Variants in DNAJC2 observed in about 807,000 individuals in gnomAD.
DNAJC2 encodes the protein dnaJ homolog subfamily C member 2.
A neutral mutation model predicts 94.0 loss-of-function variants in DNAJC2; 32 were observed. The observed-to-expected ratio is 0.34, with a 90% CI of 0.26 to 0.46. The LOEUF (loss-of-function observed/expected upper bound fraction) is 0.46, where lower values mean the gene tolerates loss of function less well. Among genes scored for constraint, DNAJC2 ranks in the 20% least tolerant of loss-of-function variants. The pLI is 1.00. For missense variants in DNAJC2, 550 were observed against 719.5 expected (o/e 0.76, Z 2.69); for synonymous variants, 210 against 229.7 (o/e 0.91, Z 0.77).
At chr7:103,326,958 G>T (rs2115941210) in intron 4 of DNAJC2, among the ~76,000 whole-genome samples, 1 of 152,108 alleles carries the variant, frequency 6.6e-6, no homozygotes, top group East Asian at 1.9e-4. Flanking sequence ...TGGGGAAAAA[G>T]AAATAGCTAG....
intron 15 of DNAJC2, chr7:103,314,783 C>A: frequency 2.9e-6 from 1 of 343,170 alleles, no homozygotes; most frequent in Non-Finnish European, 4.1e-6. Context: ...GGATAATAAG[C>A]AAGATTAAAG....
At chr7:103,342,626 T>G (rs952821299) in intron 1 of DNAJC2, among the ~76,000 whole-genome samples, 7 of 148,950 alleles carry the variant, frequency 4.7e-5, no homozygotes, top group East Asian at 2.0e-4. Flanking sequence ...TTTTTTTTTT[T>G]GGGACGGAGT....
intron 3 of DNAJC2, among the ~76,000 whole-genome samples, chr7:103,333,814 G>A (rs558882486): frequency 2.6e-5 from 4 of 152,218 alleles, no homozygotes; most frequent in African/African-American, 9.6e-5. Flanking sequence ...CTGTGTATTG[G>A]CAATTTGTTC....
chr7:103,326,561 A>C lies in DNAJC2; in HGVS notation c.554T>G (p.Val185Gly). 6.2e-7 allele frequency: 1 copy of C among 1,613,750 alleles called. No individual in the cohort carries two copies. Among genetic ancestry groups the C allele is most frequent in the African/African-American group, 1.3e-5 (1 of 75,028 alleles). ...KDNFFEVFTP[V>G]FERNSRWSNK... The stretch of plus-strand genomic sequence containing the variant: ...AACTTACCTGGAATTCCTTTCAAAC[A>C]CTGGGGTAAACACTTCGAAGAAATT... Residue 185 changes from valine to glycine, a missense_variant, in exon 5 of 17, where the codon GTG becomes GGG. Transcript: ENST00000379263.
At chr7:103,320,172 T>C (rs1311464353) in intron 10 of DNAJC2, among the ~76,000 whole-genome samples, 1 of 152,104 alleles carries the variant, frequency 6.6e-6, no homozygotes, top group African/African-American at 2.4e-5. Context: ...CACTGCAACC[T>C]CCACCTCCCG....
rs946973652 is a variant in DNAJC2, at chr7:103,341,833, T to C, written c.186A>G (p.Glu62=). 6.8e-6 allele frequency: 11 copies of C among 1,611,948 alleles called. No individual in the cohort carries two copies. In the African/African-American group the frequency reaches 1.3e-4, roughly 20 times the overall value. The change falls in exon 2 of 17, where the codon GAA becomes GAG. Residue 62 remains glutamate, a synonymous_variant. Coordinates refer to ENST00000379263, the MANE Select transcript of DNAJC2 (RefSeq NM_014377.3). The part of the protein sequence containing the change: ...ELEDKKELSE[E]SEDEELQLEE... ...CCAACTGCAATTCTTCATCTTCTGATTCCTCGGATAACTCTTTCTTATCCT... is the reference window on the plus strand; with the variant it reads ...CCAACTGCAATTCTTCATCTTCTGACTCCTCGGATAACTCTTTCTTATCCT...
intron 1 of DNAJC2, chr7:103,344,321 G>A (rs1819512219): frequency 1.7e-6 from 1 of 582,316 alleles, no homozygotes; most frequent in African/African-American, 1.9e-5. Context: ...TGAGTCAGCA[G>A]CGGCGAGAGG....
chr7:103,341,829 C>G lies in DNAJC2; in HGVS notation c.190G>C (p.Glu64Gln). The part of the protein sequence containing the change: ...EDKKELSEES[E>Q]DEELQLEEFP... ...TCTTCCAACTGCAATTCTTCATCTT[C>G]TGATTCCTCGGATAACTCTTTCTTA... is the stretch of plus-strand genomic sequence containing the variant. Residue 64 changes from glutamate (E) to glutamine (Q), a missense_variant, in exon 2 of 17, where the codon GAA (glutamate) becomes CAA (glutamine). By Grantham distance (29) the Glu-to-Gln change is conservative (BLOSUM62 2). Around this residue, in one of 2 missense-constraint regions of DNAJC2, gnomAD observed 279 missense variants for 416.9 expected, o/e 0.67. Coordinates refer to ENST00000379263, the MANE Select transcript of DNAJC2 (RefSeq NM_014377.3). The G allele has an allele frequency of 1.2e-6, 2 of 1,611,940 alleles. No individual in the cohort carries two copies. The highest frequency in any genetic ancestry group is 1.7e-6 in the Non-Finnish European group (2 of 1,179,350).
At chr7:103,342,011 C>A in intron 1 of DNAJC2, 57 bp from the exon 2 acceptor site, 1 of 1,315,428 alleles carries the variant, frequency 7.6e-7, no homozygotes, top group Non-Finnish European at 1.0e-6. Context: ...AAATATGTTT[C>A]AAGGCAATTA....
rs544439529 is a variant in DNAJC2, at chr7:103,344,637, T to G, written c.-15A>C. 9 of 1,606,942 alleles carry G rather than the reference T, an allele frequency of 5.6e-6. No individual in the cohort carries two copies. In the South Asian group the frequency reaches 9.9e-5, roughly 18 times the overall value. On this transcript the variant is annotated 5_prime_UTR_variant, in exon 1 of 17. Coordinates refer to ENST00000379263, the MANE Select transcript of DNAJC2 (RefSeq NM_014377.3). ...AGAAGCAGCATGATGGCGCCGGGTC[T>G]AGCCCGGTGGGCGCAGCGGCTCACG...
chr7:103,342,313 T>C (rs1819402577), intron 1 of DNAJC2, among the ~76,000 whole-genome samples: 1 of 151,890 alleles, frequency 6.6e-6, no homozygotes, highest in African/African-American at 2.4e-5. Flanking sequence ...TTTTACTTTT[T>C]TTTTTTTTTG....
intron 11 of DNAJC2, 23 bp downstream of exon 11, chr7:103,319,733 C>T (rs2115836767): frequency 6.2e-7 from 1 of 1,614,088 alleles, no homozygotes; most frequent in Non-Finnish European, 8.5e-7. Flanking sequence ...GTGAAGACTT[C>T]AATAGCAGTT....
chr7:103,326,459 A>G (rs2115934984), intron 5 of DNAJC2, 84 bp downstream of exon 5: 4 of 1,330,944 alleles, frequency 3.0e-6, no homozygotes, highest in East Asian at 2.3e-5. Flanking sequence ...TGAAACTATT[A>G]TCAGAGGGAA....
rs760375891 is a variant in DNAJC2 at position 103,315,823 on chromosome 7, T to C, written c.1577A>G (p.Lys526Arg). 47 of 1,613,828 alleles carry C rather than the reference T, an allele frequency of 2.9e-5. No homozygotes were observed. The highest frequency in any genetic ancestry group is 3.7e-5 in the Non-Finnish European group (44 of 1,179,896). Residue 526 changes from lysine to arginine, a missense_variant, in exon 15 of 17, where the codon AAA (lysine) becomes AGA (arginine). Lys to Arg is a conservative substitution (Grantham distance 26). Around this residue, in one of 2 missense-constraint regions of DNAJC2, gnomAD observed 271 missense variants for 302.6 expected, o/e 0.90. Coordinates refer to ENST00000379263, the MANE Select transcript of DNAJC2 (RefSeq NM_014377.3). ...DINKKAFDKF[K>R]KEHGVVPQAD... Reference sequence around the variant, plus strand: ...TTGAGGTACCACTCCATGTTCTTTTTTGAACTTATCAAATGCCTTTTTATT... The same window carrying C: ...TTGAGGTACCACTCCATGTTCTTTTCTGAACTTATCAAATGCCTTTTTATT...
intron 4 of DNAJC2, 91 bp from the exon 5 acceptor site, chr7:103,326,775 G>A: frequency 7.7e-7 from 1 of 1,297,054 alleles, no homozygotes; most frequent in African/African-American, 1.5e-5. Context: ...AAACATAGAA[G>A]TCATTAATTT....
At chr7:103,330,766 G>C (rs1321314130) in intron 3 of DNAJC2, among the ~76,000 whole-genome samples, 2 of 150,612 alleles carry the variant, frequency 1.3e-5, no homozygotes, top group Non-Finnish European at 3.0e-5. Context: ...TTTTTTTGTA[G>C]GGGAGGGGTT....
At chr7:103,320,359 T>C (rs962100774) in intron 10 of DNAJC2, among the ~76,000 whole-genome samples, 2 of 152,080 alleles carry the variant, frequency 1.3e-5, no homozygotes, top group Admixed American at 1.3e-4. Flanking sequence ...AAGTGCTGGT[T>C]ACAGGTGTGA....
chr7:103,319,123 G>A (rs1027905626), intron 12 of DNAJC2, among the ~76,000 whole-genome samples: 1 of 151,980 alleles, frequency 6.6e-6, no homozygotes, highest in East Asian at 1.9e-4. Context: ...GGGTGACAGA[G>A]AGAGACTCCA....
rs1204850289 is a variant in DNAJC2, at chr7:103,344,593, G to A, written c.30C>T (p.Gly10=). The A allele has an allele frequency of 1.9e-6, 3 of 1,612,874 alleles. No individual in the cohort carries two copies. The highest frequency in any genetic ancestry group is 2.2e-5 in the East Asian group (1 of 44,854). Residue 10 remains glycine, a synonymous_variant, in exon 1 of 17, where the codon GGC becomes GGT. Transcript: ENST00000379263. MLLLPSAAD[G]RGTAITHALT... ...GAGCGTGGGTGATGGCGGTGCCCCG[G>A]CCGTCCGCGGCGCTTGGCAGAAGCA...
Sources: gnomAD v4.1 joint callset for allele counts (sites outside exome capture counted in the v4.1 genomes callset) on GRCh38, gnomAD v4.1.1 for gene constraint, gnomAD v4.1.1 regional missense constraint, MANE v1.5 for transcripts, NCBI Gene and HGNC (gene_info 2026-07-23, HGNC 2026-07-21) for gene names.